UBE2K: variants seen among roughly 807,000 people sequenced by gnomAD.
UBE2K encodes ubiquitin-conjugating enzyme E2 K.
Under a neutral mutation model 30.0 loss-of-function variants are expected in UBE2K, and 6 were observed. The ratio of observed to expected loss-of-function variants is 0.20; its 90% CI spans 0.11 to 0.39. The LOEUF is 0.39. Among genes scored for constraint, UBE2K ranks in the 10% least tolerant of loss-of-function variants. The probability of loss-of-function intolerance (pLI) is 1.00; values close to 1 mark genes in which losing one functional copy is unlikely to be tolerated. For synonymous variants in UBE2K, 86 were observed against 83.7 expected, an observed-to-expected ratio of 1.03 and a Z score of -0.15; for missense variants, 61 against 241.6, an observed-to-expected ratio of 0.25 and a Z score of 4.96.
At chr4:39,751,632 G>C (rs540015986) in intron 3 of UBE2K, among the ~76,000 whole-genome samples, 1 of 152,102 alleles carries the variant, frequency 6.6e-6, no homozygotes, top group South Asian at 2.1e-4. Flanking sequence ...CCGAGATTGC[G>C]CCACTGCACT....
rs987905507 is a variant in UBE2K, at chr4:39,698,193, G to C, written c.-135G>C. The C allele has an allele frequency of 1.2e-6, 1 of 859,642 alleles. No homozygotes were observed. The highest frequency in any genetic ancestry group is 1.9e-6 in the Non-Finnish European group (1 of 520,422). 53.3% of individuals were successfully genotyped at this position (859,642 alleles called of 1,614,324 possible). The stretch of plus-strand genomic sequence containing the variant: ...CACACTGAGGCGAGCGCGGCGGCCG[G>C]GGTGGTAGTGGCAGTGTTCGTGTGC... On this transcript the variant is annotated 5_prime_UTR_variant, in exon 1 of 7. Coordinates refer to ENST00000261427, the MANE Select transcript of UBE2K (RefSeq NM_005339.5).
At chr4:39,768,267 C>T (rs1286696833) in intron 4 of UBE2K, among the ~76,000 whole-genome samples, 6 of 118,210 alleles carry the variant, frequency 5.1e-5, no homozygotes, top group African/African-American at 7.0e-5. Context: ...GGTAAAACCC[C>T]GTCTCTACCA....
At chr4:39,744,137 A>G (rs555804055) in intron 2 of UBE2K, among the ~76,000 whole-genome samples, 24 of 152,330 alleles carry the variant, frequency 1.6e-4, no homozygotes, top group African/African-American at 5.5e-4. Flanking sequence ...TGCTGGGATT[A>G]CAGGCATGAG....
At chr4:39,744,878 G>GC (rs1475224976) in intron 2 of UBE2K, among the ~76,000 whole-genome samples, 88 of 149,810 alleles carry the variant, frequency 5.9e-4, no homozygotes, top group African/African-American at 2.1e-3. Context: ...CTGCACTCCG[G>GC]CCTGGGCAAC....
intron 3 of UBE2K, among the ~76,000 whole-genome samples, chr4:39,752,699 T>G (rs2109370508): frequency 6.6e-6 from 1 of 152,278 alleles, no homozygotes; most frequent in Non-Finnish European, 1.5e-5. Context: ...ATATGCTTGT[T>G]TATGAATTGA....
At chr4:39,760,967 T>G (rs965205831) in intron 4 of UBE2K, 1 of 152,200 alleles carries the variant, frequency 6.6e-6, no homozygotes, top group Non-Finnish European at 1.5e-5. Context: ...GTATCTTAAC[T>G]TTGCTTAAAC....
chr4:39,741,196 A>G (rs1350228595), intron 2 of UBE2K, among the ~76,000 whole-genome samples: 3 of 151,850 alleles, frequency 2.0e-5, no homozygotes, highest in Non-Finnish European at 2.9e-5. Flanking sequence ...CCTTGAATCC[A>G]TGAGACGGAG....
At position 39,717,794 on chromosome 4, in the gene UBE2K, C is replaced by T. The variant is rs187305894; in HGVS notation, c.63+19404C>T. Among the ~76,000 whole-genome samples the T allele has an allele frequency of 7.9e-5, 12 of 151,812 alleles. No individual in the cohort carries two copies. The East Asian group carries it at 9.6e-4, about 12-fold the overall frequency. On this transcript the variant is annotated intron_variant, in intron 1 of 6. Transcript: ENST00000261427. ...GTTCCTTCTGATGTTCGGTTGTGTT[C>T]GGAGTTTCTTCCTTCTGGTGGGTTC...
intron 1 of UBE2K, among the ~76,000 whole-genome samples, chr4:39,712,402 A>G: frequency 8.3e-6 from 1 of 120,388 alleles, no homozygotes; most frequent in South Asian, 2.8e-4. Flanking sequence ...TTTTCAGTAG[A>G]GACAGGGTTT....
At chr4:39,734,445 T>C (rs1720245504) in intron 1 of UBE2K, among the ~76,000 whole-genome samples, 1 of 152,140 alleles carries the variant, frequency 6.6e-6, no homozygotes, top group Non-Finnish European at 1.5e-5. Flanking sequence ...TAGTACATTT[T>C]TTCATACAAT....
chr4:39,743,660 G>A (rs927538544), intron 2 of UBE2K, among the ~76,000 whole-genome samples: 4 of 151,170 alleles, frequency 2.6e-5, no homozygotes, highest in Non-Finnish European at 5.9e-5. Context: ...ATAACTATCA[G>A]CTCACGGCCA....
chr4:39,737,617 T>C (rs1720448173), intron 2 of UBE2K, 104 bp downstream of exon 2: 1 of 720,818 alleles, frequency 1.4e-6, no homozygotes, highest in Non-Finnish European at 2.2e-6. Context: ...GAGGGTAACT[T>C]CATTTGGTTT....
chr4:39,754,028 C>T (rs1048323307), intron 3 of UBE2K, among the ~76,000 whole-genome samples: 2 of 150,182 alleles, frequency 1.3e-5, no homozygotes, highest in African/African-American at 4.9e-5. Context: ...GACTCCTTCT[C>T]AAAAAAAAAG....
intron 1 of UBE2K, among the ~76,000 whole-genome samples, chr4:39,726,676 A>G (rs967715114): frequency 6.6e-6 from 1 of 151,812 alleles, no homozygotes. Context: ...GCTTACTGCA[A>G]CCTCTGCCTC....
At chr4:39,727,460 C>A (rs1256484255) in intron 1 of UBE2K, among the ~76,000 whole-genome samples, 1 of 152,164 alleles carries the variant, frequency 6.6e-6, no homozygotes, top group African/African-American at 2.4e-5. Flanking sequence ...TTCCTGGGCT[C>A]AGGTGATTTT....
chr4:39,701,704 G>C (rs1370360394), intron 1 of UBE2K, among the ~76,000 whole-genome samples: 1 of 151,426 alleles, frequency 6.6e-6, no homozygotes, highest in Non-Finnish European at 1.5e-5. Context: ...TAAACTCATT[G>C]AAATAAGTGT....
chr4:39,772,599 A>C (rs1359828659), intron 4 of UBE2K, among the ~76,000 whole-genome samples: 2 of 151,916 alleles, frequency 1.3e-5, no homozygotes, highest in African/African-American at 4.8e-5. Context: ...AGAATGATCT[A>C]ATTTACATGG....
intron 1 of UBE2K, among the ~76,000 whole-genome samples, chr4:39,728,818 G>GTT (rs150967559): frequency 1.7e-3 from 221 of 129,956 alleles, no homozygotes; most frequent in African/African-American, 5.6e-3. Flanking sequence ...GGTTTTTTTT[G>GTT]TTTTTTTTGT....
chr4:39,772,152 C>A (rs181281337), intron 4 of UBE2K, among the ~76,000 whole-genome samples: 68 of 152,174 alleles, frequency 4.5e-4, no homozygotes, highest in African/African-American at 1.6e-3. Flanking sequence ...TAACTTTTAT[C>A]GTAGGCATCT....
Sources: gnomAD v4.1 joint callset for allele counts (sites outside exome capture counted in the v4.1 genomes callset) on GRCh38, gnomAD v4.1.1 for gene constraint, MANE v1.5 for transcripts, NCBI Gene and HGNC (gene_info 2026-07-23, HGNC 2026-07-21) for gene names.